COL18A1: variants seen among roughly 807,000 people sequenced by gnomAD.
COL18A1 encodes the protein collagen alpha-1(XVIII) chain.
Under a neutral mutation model 168.0 loss-of-function variants are expected in COL18A1, and 133 were observed. The ratio of observed to expected loss-of-function variants is 0.79; its 90% confidence interval spans 0.69 to 0.91. The LOEUF is 0.91. Among genes scored for constraint, COL18A1 ranks in the 40% least tolerant of loss-of-function variants. COL18A1 has a pLI of 0.00. For missense variants in COL18A1, 2,126 were observed against 1,925.4 expected (o/e 1.10, Z -1.95); for synonymous variants, 949 against 809.0 (o/e 1.17, Z -2.94).
intron 36 of COL18A1, 86 bp downstream of exon 36, chr21:45,505,517 C>T (rs545057804): frequency 5.7e-5 from 44 of 769,436 alleles, no homozygotes; most frequent in Admixed American, 1.8e-4. Context: ...CACTCTCCCA[C>T]GGACCCCACA....
rs75820935 is a variant in COL18A1 at position 45,456,874 on chromosome 21, G to A, written c.107-11368G>A. ...ATGGGTACTGTGTGCTCATTGGGCC[G>A]GCTGCAGGTAACTGGCCGGCCCCGA... On this transcript the variant is annotated intron_variant, in intron 2 of 41. Transcript: ENST00000651438. 4.4e-4 allele frequency: 637 copies of A among 1,444,230 alleles called. 1 individual carries two copies. The African/African-American group carries it at 7.8e-3, about 18-fold the overall frequency. The allele number at this position is 1,444,230 out of a possible 1,614,324, so 89.5% of individuals were successfully genotyped here.
At chr21:45,479,527 AC>A (rs1399820089) in intron 9 of COL18A1, among the ~76,000 whole-genome samples, 2 of 151,624 alleles carry the variant, frequency 1.3e-5, no homozygotes, top group Admixed American at 6.6e-5. Context: ...TGCACACCAT[AC>A]ATGCACACTC....
intron 2 of COL18A1, among the ~76,000 whole-genome samples, chr21:45,464,512 G>A (rs1602446249): frequency 6.6e-6 from 1 of 152,142 alleles, no homozygotes; most frequent in East Asian, 1.9e-4. Flanking sequence ...GCTTCCTATT[G>A]GCGACTGTAA....
chr21:45,509,919 C>T (rs1602650532), intron 39 of COL18A1, 145 bp from the exon 40 acceptor site: 1 of 944,368 alleles, frequency 1.1e-6, no homozygotes, highest in East Asian at 2.7e-5. Flanking sequence ...TGCCTGGGCC[C>T]CTCAGTGTGT....
chr21:45,423,482 C>T lies in COL18A1; in HGVS notation c.106+18009C>T, dbSNP rs1421157919. ...AAAGCTGTGTCCACACACAGCTGGG[C>T]GCCCGCCCCCCGCCCCCCGCCCCCC... On this transcript the variant is annotated intron_variant, in intron 2 of 41. Transcript: ENST00000651438. The surrounding 1 kb of genome is among the most constrained non-coding windows in gnomAD (Gnocchi z 4.0). Among the ~76,000 whole-genome samples the T allele has an allele frequency of 3.3e-5, 5 of 150,764 alleles. No homozygotes were observed. Among genetic ancestry groups the T allele is most frequent in the South Asian group, 4.3e-4 (2 of 4,670 alleles).
At chr21:45,455,457 G>T in intron 2 of COL18A1, 1 of 1,593,438 alleles carries the variant, frequency 6.3e-7, no homozygotes, top group South Asian at 1.1e-5. Context: ...GGGCAGGAGG[G>T]CGTGAGCCTG....
intron 2 of COL18A1, among the ~76,000 whole-genome samples, chr21:45,449,691 CAG>C (rs1036362174): frequency 5.3e-5 from 8 of 152,162 alleles, no homozygotes; most frequent in African/African-American, 1.4e-4. Context: ...TGTTTGGTGA[CAG>C]GGGAGTGCCC....
intron 32 of COL18A1, among the ~76,000 whole-genome samples, chr21:45,501,999 T>C (rs1466502567): frequency 1.6e-5 from 1 of 63,628 alleles, no homozygotes; most frequent in Non-Finnish European, 2.9e-5. Flanking sequence ...CCTCAGGGGC[T>C]CCACAGCCGG....
chr21:45,503,799 A>G, intron 32 of COL18A1: 1 of 302,294 alleles, frequency 3.3e-6, no homozygotes, highest in Non-Finnish European at 5.9e-6. Context: ...TAAATTTAAA[A>G]AATTTAAAAA....
At chr21:45,431,469 G>C (rs2033959459) in intron 2 of COL18A1, among the ~76,000 whole-genome samples, 1 of 107,626 alleles carries the variant, frequency 9.3e-6, no homozygotes, top group Non-Finnish European at 1.8e-5. Flanking sequence ...GGGGCAGGCA[G>C]GACCCGGCGG....
chr21:45,422,048 A>G (rs1330505771), intron 2 of COL18A1, among the ~76,000 whole-genome samples: 1 of 152,140 alleles, frequency 6.6e-6, no homozygotes, highest in Non-Finnish European at 1.5e-5. Context: ...TCACAGACAC[A>G]CAGGCTCACG....
chr21:45,511,037 C>CCCCACATCCACAT, intron 40 of COL18A1, 74 bp from the exon 41 acceptor site: 1 of 361,766 alleles, frequency 2.8e-6, no homozygotes, highest in Non-Finnish European at 5.2e-6. Context: ...CACATCCACA[C>CCCCACATCCACAT]ACCCCCCCAC....
At chr21:45,452,000 C>T (rs977298487) in intron 2 of COL18A1, among the ~76,000 whole-genome samples, 6 of 152,228 alleles carry the variant, frequency 3.9e-5, no homozygotes, top group Non-Finnish European at 7.3e-5. Flanking sequence ...GGCCTGAGGC[C>T]GCACTCACCC....
rs551980148 is a variant in COL18A1, at chr21:45,457,501, G to A, written c.107-10741G>A. On this transcript the variant is annotated intron_variant, in intron 2 of 41. Transcript: ENST00000651438. The surrounding 1 kb of genome is among the most constrained non-coding windows in gnomAD (Gnocchi z 4.6). ...GGGGCCGCTTCTGGGCCCAGGGGACGTTGCCCCATCACCGTGTGGCCTGGC... is the reference window on the plus strand; with the variant it reads ...GGGGCCGCTTCTGGGCCCAGGGGACATTGCCCCATCACCGTGTGGCCTGGC... 1.3e-4 allele frequency among the ~76,000 whole-genome samples: 20 copies of A among 152,330 alleles called. No homozygotes were observed. Among genetic ancestry groups the A allele is most frequent in the East Asian group, 3.9e-4 (2 of 5,176 alleles).
intron 2 of COL18A1, among the ~76,000 whole-genome samples, chr21:45,447,500 A>G (rs2034530560): frequency 6.6e-6 from 1 of 152,218 alleles, no homozygotes. Flanking sequence ...AGCAACATTG[A>G]AAGTAATTAA....
intron 32 of COL18A1, among the ~76,000 whole-genome samples, chr21:45,500,202 G>GTATGGAGTGTGTA (rs140242824): frequency 7.6e-6 from 1 of 131,398 alleles, no homozygotes; most frequent in African/African-American, 3.1e-5. Flanking sequence ...TGTGGAGTGT[G>GTATGGAGTGTGTA]TGTGGCTGGG....
At chr21:45,478,969 C>T (rs527933186) in intron 9 of COL18A1, among the ~76,000 whole-genome samples, 10 of 152,308 alleles carry the variant, frequency 6.6e-5, no homozygotes, top group Admixed American at 3.3e-4. Flanking sequence ...CATTACCGAC[C>T]GCCTGGCACC....
chr21:45,507,637 A>C (rs748013790), intron 38 of COL18A1, 44 bp downstream of exon 38: 4 of 1,571,590 alleles, frequency 2.5e-6, no homozygotes, highest in Admixed American at 3.4e-5. Context: ...TGGTCAGGAC[A>C]TGAGGGGGTA....
At chr21:45,494,505 A>G (rs760982041) in intron 26 of COL18A1, 40 bp from the exon 27 acceptor site, 1 of 1,613,190 alleles carries the variant, frequency 6.2e-7, no homozygotes, top group East Asian at 2.2e-5. Flanking sequence ...GGTGGGGCAC[A>G]AGCTGCCACC....
Sources: gnomAD v4.1 joint callset for allele counts (sites outside exome capture counted in the v4.1 genomes callset) on GRCh38, gnomAD v4.1.1 for gene constraint, Gnocchi (gnomAD v3.1) non-coding constraint, MANE v1.5 for transcripts, NCBI Gene and HGNC (gene_info 2026-07-23, HGNC 2026-07-21) for gene names.